C17orf58: variants seen among roughly 807,000 people sequenced by gnomAD.
The protein encoded by C17orf58 is chromosome 17 open reading frame 58, also known as UPF0450 protein C17orf58.
C17orf58 carries 5 observed loss-of-function variants against 7.4 expected under a neutral mutation model. That is an observed-to-expected ratio of 0.67 (90% CI 0.35 to 1.42). The LOEUF (loss-of-function observed/expected upper bound fraction) is 1.42. Among genes scored for constraint, C17orf58 ranks in the 40% most tolerant of loss-of-function variants. The pLI is 0.04. For synonymous variants in C17orf58, 60 were observed against 70.6 expected (o/e 0.85, Z 0.75); for missense variants, 162 against 174.2 (o/e 0.93, Z 0.40).
chr17:67,991,470 GCTTA>G lies in C17orf58; in HGVS notation c.*439_*442del, dbSNP rs1268161379. 4.6e-5 allele frequency: 7 copies of G among 152,238 alleles called. No individual in the cohort carries two copies. Among genetic ancestry groups the G allele is most frequent in the Admixed American group, 6.6e-5 (1 of 15,266 alleles). The allele number at this position is 152,238 out of a possible 1,614,324, so 9.4% of individuals were successfully genotyped here. A position where few individuals can be genotyped will look rare whatever the true frequency, so the allele number is the denominator to read the frequency against. On this transcript the variant is annotated 3_prime_UTR_variant, in exon 4 of 4. Transcript: ENST00000580729. ...AACATAAATGTCTTTTGACTAGTGC[GCTTA>G]CTGTTATGTACAGAATTTAAAATGT... is the stretch of plus-strand genomic sequence containing the variant.
At chr17:67,994,483 T>G (rs1239970616) in intron 1 of C17orf58, among the ~76,000 whole-genome samples, 2 of 85,542 alleles carry the variant, frequency 2.3e-5, no homozygotes, top group African/African-American at 4.1e-5. Flanking sequence ...TGTGTGTATG[T>G]GTGCGTGTGC....
rs1291189426 is a variant in C17orf58, at chr17:67,994,510, G to GTATATATATATATATATA, written c.77-527_77-526insTATATATATATATATATA. Reference sequence around the variant, plus strand: ...TGCGTGTGCGTGTGTGTGTGTGTGTGTGTGTGTATATATATATATATATAT... The same window carrying GTATATATATATATATATA: ...TGCGTGTGCGTGTGTGTGTGTGTGTGTATATATATATATATATATGTGTGTATATATATATATATATAT... On this transcript the variant is annotated intron_variant, in intron 1 of 3. Coordinates refer to ENST00000580729, the MANE Select transcript of C17orf58 (RefSeq NM_001382359.1). Among the ~76,000 whole-genome samples, 180 of 71,386 alleles carry GTATATATATATATATATA rather than the reference G, an allele frequency of 2.5e-3. 1 individual carries two copies. Among genetic ancestry groups the GTATATATATATATATATA allele is most frequent in the Middle Eastern group, 0.013 (2 of 156 alleles). The allele number at this position is 71,386 out of a possible 152,430, so 46.8% of individuals were successfully genotyped here. A position where few individuals can be genotyped will look rare whatever the true frequency, so the allele number is the denominator to read the frequency against.
chr17:67,991,335 A>C lies in C17orf58; in HGVS notation c.*578T>G, dbSNP rs1327889928. ...TTTAGTACTATTTTTTATTTTATTT[A>C]TTTTTTTAATCCACCCATCTGCACA... On this transcript the variant is annotated 3_prime_UTR_variant, in exon 4 of 4. Coordinates refer to ENST00000580729, the MANE Select transcript of C17orf58 (RefSeq NM_001382359.1). 2.6e-5 allele frequency: 4 copies of C among 151,988 alleles called. No homozygotes were observed. Among genetic ancestry groups the C allele is most frequent in the African/African-American group, 9.7e-5 (4 of 41,396 alleles). 9.4% of individuals were successfully genotyped at this position (151,988 alleles called of 1,614,324 possible). A position where few individuals can be genotyped will look rare whatever the true frequency, so the allele number is the denominator to read the frequency against.
In C17orf58 at chr17:67,995,899, G is replaced by T. The variant is rs562464164; in HGVS notation, c.76+224C>A. The stretch of plus-strand genomic sequence containing the variant: ...TCCCCAGCCTGCCCGGCTTGCTCGG[G>T]ATCATTTCAGTAGCTAAATTGGCTT... On this transcript the variant is annotated intron_variant, in intron 1 of 3. Coordinates refer to ENST00000580729, the MANE Select transcript of C17orf58 (RefSeq NM_001382359.1). Among the ~76,000 whole-genome samples the T allele has an allele frequency of 2.3e-4, 35 of 152,374 alleles. No homozygotes were observed. In the South Asian group the frequency reaches 7.0e-3, roughly 31 times the overall value.
chr17:67,994,555 G>A (rs1315858014), intron 1 of C17orf58, among the ~76,000 whole-genome samples: 7 of 92,360 alleles, frequency 7.6e-5, no homozygotes, highest in Non-Finnish European at 1.7e-4. Flanking sequence ...ATAAACATCC[G>A]CCTCTTTGCT....
In C17orf58 at chr17:67,993,115, A is replaced by G. The variant is rs782081818; in HGVS notation, c.758T>C (p.Phe253Ser). ...MNRLYLTPDG[F>S]FFRVHMLALD... is the part of the protein sequence containing the mutation. ...GGCTAACATGTGGACTCGGAAGAAG[A>G]AGCCGTCGGGGGTGAGGTACAGGCG... Residue 253 changes from phenylalanine to serine, a missense_variant, in exon 3 of 4, where the codon TTC becomes TCC. Coordinates refer to ENST00000580729, the MANE Select transcript of C17orf58 (RefSeq NM_001382359.1). This position sits in a 1 kb window ranked among gnomAD's most constrained non-coding sequence, Gnocchi z 5.1. 6 of 1,613,986 alleles carry G rather than the reference A, an allele frequency of 3.7e-6. No homozygotes were observed.
rs367636173 is a variant in C17orf58 at position 67,994,054 on chromosome 17, GA to G, written c.77-71del. 1.7e-3 allele frequency: 645 copies of G among 374,534 alleles called. 2 individuals carry two copies. Among genetic ancestry groups the G allele is most frequent in the African/African-American group, 0.012 (566 of 47,450 alleles). The allele number at this position is 374,534 out of a possible 1,614,324, so 23.2% of individuals were successfully genotyped here. A position where few individuals can be genotyped will look rare whatever the true frequency, so the allele number is the denominator to read the frequency against. On this transcript the variant is annotated intron_variant, in intron 1 of 3. Transcript: ENST00000580729. Reference sequence around the variant, plus strand: ...GAAGCAGTGAGGGGAGGCCGTCGGGGAAAGCCGAGGAAGCCGAGAAGGAAGA... The same window carrying G: ...GAAGCAGTGAGGGGAGGCCGTCGGGGAAGCCGAGGAAGCCGAGAAGGAAGA...
intron 1 of C17orf58, among the ~76,000 whole-genome samples, chr17:67,994,497 T>C (rs1377186198): frequency 4.9e-4 from 41 of 83,386 alleles, no homozygotes; most frequent in Admixed American, 7.9e-4. Flanking sequence ...CGTGTGCGTG[T>C]GTGTGTGTGT....
chr17:67,995,708 A>G (rs540367348), intron 1 of C17orf58, among the ~76,000 whole-genome samples: 9 of 151,932 alleles, frequency 5.9e-5, no homozygotes, highest in Middle Eastern at 3.4e-3. Flanking sequence ...GCTTCCCCCC[A>G]GCCCTCCACA....
chr17:67,991,951 C>T lies in C17orf58; in HGVS notation c.982G>A (p.Gly328Arg). ...YVKRFNRKRE[G>R]QIQGAIHTQC... Reference sequence around the variant, plus strand: ...GTATGAATTGCACCTTGAATCTGCCCTTCCCTTTTTCGATTAAACCTTTTC... The same window carrying T: ...GTATGAATTGCACCTTGAATCTGCCTTTCCCTTTTTCGATTAAACCTTTTC... The change falls in exon 4 of 4, where the codon GGG (glycine) becomes AGG (arginine). Residue 328 changes from glycine to arginine, a missense_variant. Physicochemically the swap from Gly to Arg is moderately radical, Grantham distance 125 (BLOSUM62 -2). This residue lies in a region of C17orf58 where 65 missense variants were observed against 66.4 expected (regional missense o/e 0.98). Coordinates refer to ENST00000580729, the MANE Select transcript of C17orf58 (RefSeq NM_001382359.1). 1.2e-6 allele frequency: 2 copies of T among 1,612,874 alleles called. No individual in the cohort carries two copies. The highest frequency in any genetic ancestry group is 1.7e-6 in the Non-Finnish European group (2 of 1,179,432).
chr17:67,996,108 C>G lies in C17orf58; in HGVS notation c.76+15G>C, dbSNP rs1409298891. 1 of 399,012 alleles carries G rather than the reference C, an allele frequency of 2.5e-6. No individual in the cohort carries two copies. Among genetic ancestry groups the G allele is most frequent in the Non-Finnish European group, 4.4e-6 (1 of 226,086 alleles). The allele number at this position is 399,012 out of a possible 1,614,324, so 24.7% of individuals were successfully genotyped here. On this transcript the variant is annotated intron_variant, in intron 1 of 3. Coordinates refer to ENST00000580729, the MANE Select transcript of C17orf58 (RefSeq NM_001382359.1). ...CCCGCTCCGCTCCCAGGGCCCCGCA[C>G]TACACCAATCTTACTTTTTCTCTCC... is the stretch of plus-strand genomic sequence containing the variant.
chr17:67,992,064 C>G lies in C17orf58; in HGVS notation c.869G>C (p.Arg290Thr), dbSNP rs1194986353. Residue 290 changes from arginine to threonine, a missense_variant, in exon 4 of 4, where the codon AGA becomes ACA. Coordinates refer to ENST00000580729, the MANE Select transcript of C17orf58 (RefSeq NM_001382359.1). ...GAGCAGAGCTGTAGGGAGCTGCCGT[C>G]TCTTATGGTAGATGTGGCCCATCAC... ...YIVMGHIYHK[R>T]RQLPTALLQV... The G allele has an allele frequency of 6.2e-7, 1 of 1,607,940 alleles. No individual in the cohort carries two copies. The highest frequency in any genetic ancestry group is 8.5e-7 in the Non-Finnish European group (1 of 1,177,608).
chr17:67,994,098 G>C (rs1286171416), intron 1 of C17orf58, 114 bp from the exon 2 acceptor site: 2 of 355,736 alleles, frequency 5.6e-6, no homozygotes, highest in Non-Finnish European at 1.0e-5. Flanking sequence ...AGGGGAGGCT[G>C]AGACGGGAGG....
intron 3 of C17orf58, 107 bp downstream of exon 3, chr17:67,992,937 T>C (rs1458541319): frequency 6.2e-7 from 1 of 1,613,918 alleles, no homozygotes; most frequent in Non-Finnish European, 8.5e-7. Context: ...TTGTTTCCCA[T>C]CGCTCCCAAA....
At chr17:67,996,031 C>A (rs1218904607) in intron 1 of C17orf58, 92 bp downstream of exon 1, 3 of 398,588 alleles carry the variant, frequency 7.5e-6, no homozygotes, top group African/African-American at 2.1e-5. Flanking sequence ...TCTGACCCCC[C>A]TCCTCGTCCC....
At chr17:67,994,516 G>GCATATA (rs1555699619) in intron 1 of C17orf58, among the ~76,000 whole-genome samples, 1 of 89,544 alleles carries the variant, frequency 1.1e-5, no homozygotes, top group Admixed American at 1.2e-4. Flanking sequence ...GTGTGTGTGT[G>GCATATA]TATATATATA....
rs1485656846 is a variant in C17orf58 at position 67,993,894 on chromosome 17, G to C, written c.167C>G (p.Ala56Gly). ...PGPRAQPLLE[A>G]PQRPRAAEVA... ...CTCGGCCGCGCGCGGCCGCTGCGGG[G>C]CCTCAAGGAGTGGCTGCGCGCGGGG... The change falls in exon 2 of 4, where the codon GCC (alanine) becomes GGC (glycine). Residue 56 changes from alanine to glycine, a missense_variant. This residue lies in a region of C17orf58 where 93 missense variants were observed against 90.4 expected (regional missense o/e 1.03). Coordinates refer to ENST00000580729, the MANE Select transcript of C17orf58 (RefSeq NM_001382359.1). This position sits in a 1 kb window ranked among gnomAD's most constrained non-coding sequence, Gnocchi z 5.1. The C allele has an allele frequency of 7.0e-5, 27 of 385,250 alleles. No individual in the cohort carries two copies. Among genetic ancestry groups the C allele is most frequent in the Non-Finnish European group, 1.2e-4 (26 of 218,224 alleles). The allele number at this position is 385,250 out of a possible 1,614,324, so 23.9% of individuals were successfully genotyped here. A position where few individuals can be genotyped will look rare whatever the true frequency, so the allele number is the denominator to read the frequency against.
chr17:67,994,767 T>C (rs1457821564), intron 1 of C17orf58, among the ~76,000 whole-genome samples: 2 of 151,968 alleles, frequency 1.3e-5, no homozygotes, highest in Admixed American at 1.3e-4. Context: ...CACTTACTGG[T>C]AAACCACAGC....
chr17:67,991,233 T>C lies in C17orf58; in HGVS notation c.*680A>G, dbSNP rs1406341405. The C allele has an allele frequency of 2.6e-5, 4 of 152,208 alleles. No individual in the cohort carries two copies. The highest frequency in any genetic ancestry group is 9.7e-5 in the African/African-American group (4 of 41,438). 9.4% of individuals were successfully genotyped at this position (152,208 alleles called of 1,614,324 possible). A position where few individuals can be genotyped will look rare whatever the true frequency, so the allele number is the denominator to read the frequency against. ...CAGTTCAGCACAAAACATACATTAC[T>C]AGGAGCAGGGAGGCATGAAAATAAA... is the stretch of plus-strand genomic sequence containing the variant. On this transcript the variant is annotated 3_prime_UTR_variant, in exon 4 of 4. Coordinates refer to ENST00000580729, the MANE Select transcript of C17orf58 (RefSeq NM_001382359.1).
Sources: gnomAD v4.1 joint callset for allele counts (sites outside exome capture counted in the v4.1 genomes callset) on GRCh38, gnomAD v4.1.1 for gene constraint, gnomAD v4.1.1 regional missense constraint, Gnocchi (gnomAD v3.1) non-coding constraint, MANE v1.5 for transcripts, NCBI Gene and HGNC (gene_info 2026-07-23, HGNC 2026-07-21) for gene names.